RBFOX1: variants seen among roughly 807,000 people sequenced by gnomAD.
RBFOX1 encodes RNA binding fox-1 homolog 1.
RBFOX1 carries 8 observed loss-of-function variants against 57.7 expected under a neutral mutation model. The ratio of observed to expected loss-of-function variants is 0.14; its 90% CI spans 0.08 to 0.25. The LOEUF (loss-of-function observed/expected upper bound fraction) is 0.25. Among genes scored for constraint, RBFOX1 ranks in the 10% least tolerant of loss-of-function variants. The pLI, the probability that RBFOX1 is intolerant of heterozygous loss-of-function variation, is 1.00. For missense variants in RBFOX1, 611 were observed against 548.5 expected, an observed-to-expected ratio of 1.11 and a Z score of -1.14; for synonymous variants, 326 against 222.4, an observed-to-expected ratio of 1.47 and a Z score of -4.15.
At chr16:6,776,174 G>A (rs1567195212) in intron 3 of RBFOX1, among the ~76,000 whole-genome samples, 1 of 152,200 alleles carries the variant, frequency 6.6e-6, no homozygotes, top group East Asian at 1.9e-4. Context: ...CACTTTGGGA[G>A]GCCAGTGCAG....
intron 1 of RBFOX1, among the ~76,000 whole-genome samples, chr16:6,132,064 C>G (rs1435049834): frequency 1.3e-5 from 2 of 152,200 alleles, no homozygotes; most frequent in Non-Finnish European, 2.9e-5. Flanking sequence ...AGAAGCTTAA[C>G]ACGCTTTAGT....
chr16:5,797,558 A>C (rs532692971), intron 3 of RBFOX1, among the ~76,000 whole-genome samples: 5 of 152,206 alleles, frequency 3.3e-5, no homozygotes, highest in African/African-American at 1.2e-4. Context: ...CCCTTATTTT[A>C]TTCACTTCTG....
At chr16:5,931,854 C>G (rs900109636) in intron 4 of RBFOX1, among the ~76,000 whole-genome samples, 1 of 152,188 alleles carries the variant, frequency 6.6e-6, no homozygotes. Flanking sequence ...GTCTCCCAGG[C>G]TGGAGTACAG....
chr16:5,844,500 G>A (rs78791158), intron 3 of RBFOX1, among the ~76,000 whole-genome samples: 22 of 152,268 alleles, frequency 1.4e-4, no homozygotes, highest in African/African-American at 5.3e-4. Context: ...ATAAATTCAC[G>A]AAGCTCCTGC....
intron 4 of RBFOX1, among the ~76,000 whole-genome samples, chr16:7,340,593 C>T (rs753938602): frequency 4.6e-5 from 7 of 152,170 alleles, no homozygotes; most frequent in Non-Finnish European, 7.3e-5. Flanking sequence ...ACACAATAAT[C>T]AGTGCAAGAT....
chr16:7,463,046 A>G lies in RBFOX1; in HGVS notation c.28-55101A>G, dbSNP rs151263929. 2.0e-5 allele frequency among the ~76,000 whole-genome samples: 3 copies of G among 152,312 alleles called. No individual in the cohort carries two copies. The East Asian group carries it at 5.8e-4, about 29-fold the overall frequency. ...ATGCCAAAAACTGGTTGGCTTATCAACAACAGAAATTCATTGCTCACAGTT... is the reference window on the plus strand; with the variant it reads ...ATGCCAAAAACTGGTTGGCTTATCAGCAACAGAAATTCATTGCTCACAGTT... On this transcript the variant is annotated intron_variant, in intron 4 of 15. Coordinates refer to ENST00000550418, the MANE Select transcript of RBFOX1 (RefSeq NM_018723.4).
chr16:5,753,457 G>A (rs529318333), intron 3 of RBFOX1, among the ~76,000 whole-genome samples: 2 of 152,120 alleles, frequency 1.3e-5, no homozygotes, highest in African/African-American at 2.4e-5. Context: ...TTACAACTCC[G>A]TTTCCATATG....
chr16:7,668,989 C>G (rs937029076), intron 13 of RBFOX1, among the ~76,000 whole-genome samples: 8 of 152,200 alleles, frequency 5.3e-5, no homozygotes, highest in Admixed American at 5.2e-4. Flanking sequence ...CTTGCAACCT[C>G]CGCTTCCAGG....
rs750789239 is a variant in RBFOX1, at chr16:7,710,700, G to C, written c.1149G>C (p.Gln383His). The C allele has an allele frequency of 5.0e-6, 8 of 1,612,618 alleles. No homozygotes were observed. The highest frequency in any genetic ancestry group is 6.8e-6 in the Non-Finnish European group (8 of 1,179,130). ...DDVGLVLSSL[Q>H]ASIYRGGYNR... The stretch of plus-strand genomic sequence containing the variant: ...TGGGTCTCGTTCTTTCTTCATTGCA[G>C]GCTAGTATATACCGAGGGGGATACA... The change falls in exon 16 of 16, where the codon CAG (glutamine) becomes CAC (histidine). Residue 383 changes from glutamine (Q) to histidine (H), a missense_variant. By Grantham distance (24) the Gln-to-His change is conservative (BLOSUM62 0). Coordinates refer to ENST00000550418, the MANE Select transcript of RBFOX1 (RefSeq NM_018723.4).
At chr16:5,476,202 C>G (rs1035339952) in intron 2 of RBFOX1, among the ~76,000 whole-genome samples, 2 of 152,094 alleles carry the variant, frequency 1.3e-5, no homozygotes, top group East Asian at 1.9e-4. Flanking sequence ...TGTTACATAC[C>G]TTGATTTAGC....
chr16:7,663,915 TACTCAAA>T (rs2068478224), intron 12 of RBFOX1, among the ~76,000 whole-genome samples: 1 of 152,188 alleles, frequency 6.6e-6, no homozygotes, highest in Non-Finnish European at 1.5e-5. Flanking sequence ...CTGGTTGTTT[TACTCAAA>T]GCATACCAAA....
intron 3 of RBFOX1, among the ~76,000 whole-genome samples, chr16:6,721,040 T>G (rs1436406190): frequency 6.6e-6 from 1 of 152,192 alleles, no homozygotes; most frequent in East Asian, 1.9e-4. Context: ...TGGTCAGGCA[T>G]AGTCTGTTCA....
At chr16:6,439,136 C>T (rs1349342924) in intron 2 of RBFOX1, among the ~76,000 whole-genome samples, 1 of 152,174 alleles carries the variant, frequency 6.6e-6, no homozygotes, top group South Asian at 2.1e-4. Context: ...CCCACTTGAG[C>T]ATGCCGATGG....
intron 4 of RBFOX1, among the ~76,000 whole-genome samples, chr16:7,133,806 C>T (rs1377392308): frequency 6.6e-6 from 1 of 152,112 alleles, no homozygotes; most frequent in Non-Finnish European, 1.5e-5. Context: ...ACTGACACAG[C>T]TTCTTTGCTG....
At chr16:7,243,895 C>T (rs1045114357) in intron 4 of RBFOX1, among the ~76,000 whole-genome samples, 1 of 152,084 alleles carries the variant, frequency 6.6e-6, no homozygotes, top group African/African-American at 2.4e-5. Context: ...TGGGATTTCA[C>T]ATAATCAAAA....
At chr16:7,484,906 G>T (rs1377160121) in intron 4 of RBFOX1, among the ~76,000 whole-genome samples, 7 of 152,174 alleles carry the variant, frequency 4.6e-5, no homozygotes, top group Admixed American at 4.6e-4. Flanking sequence ...TCAGTATCAG[G>T]AAAGTAAAGA....
At chr16:6,460,218 C>A (rs1426912197) in intron 2 of RBFOX1, among the ~76,000 whole-genome samples, 2 of 152,050 alleles carry the variant, frequency 1.3e-5, no homozygotes, top group African/African-American at 2.4e-5. Context: ...GGTTCTCTCT[C>A]CTTGGCTTGT....
intron 3 of RBFOX1, among the ~76,000 whole-genome samples, chr16:6,964,492 A>G (rs78507277): frequency 0.069 from 10,558 of 152,204 alleles, 450 homozygotes; most frequent in South Asian, 0.18. Flanking sequence ...TATCAACTGT[A>G]ACAAATTGCA....
chr16:6,432,818 A>C (rs1044193810), intron 2 of RBFOX1, among the ~76,000 whole-genome samples: 2 of 151,810 alleles, frequency 1.3e-5, no homozygotes, highest in African/African-American at 4.8e-5. Context: ...TCTCTAATAA[A>C]AATACAAAAC....
Sources: gnomAD v4.1 joint callset for allele counts (sites outside exome capture counted in the v4.1 genomes callset) on GRCh38, gnomAD v4.1.1 for gene constraint, MANE v1.5 for transcripts, NCBI Gene and HGNC (gene_info 2026-07-23, HGNC 2026-07-21) for gene names.